Variants in BRPF3 observed in about 807,000 individuals in gnomAD.
BRPF3 encodes the protein bromodomain and PHD finger-containing protein 3.
BRPF3 carries 18 observed loss-of-function variants against 102.0 expected under a neutral mutation model. The ratio of observed to expected loss-of-function variants is 0.18; its 90% CI spans 0.12 to 0.26. The LOEUF is 0.26. BRPF3 is among the 10% of genes least tolerant of loss of function. The probability of loss-of-function intolerance (pLI) is 1.00; values close to 1 mark genes in which losing one functional copy is unlikely to be tolerated. For missense variants in BRPF3, 1,147 were observed against 1,567.8 expected (o/e 0.73, Z 4.53); for synonymous variants, 570 against 614.2 (o/e 0.93, Z 1.06).
chr6:36,230,361 C>T lies in BRPF3; in HGVS notation c.3435-65C>T. 6 of 1,546,110 alleles carry T rather than the reference C, an allele frequency of 3.9e-6. No individual in the cohort carries two copies. Among genetic ancestry groups the T allele is most frequent in the Non-Finnish European group, 5.3e-6 (6 of 1,130,360 alleles). On this transcript the variant is annotated intron_variant, in intron 12 of 12. Transcript: ENST00000357641. The surrounding 1 kb of genome is among the most constrained non-coding windows in gnomAD (Gnocchi z 5.4). ...TTTGCTGGTCCTGGCCAAGTGGGGC[C>T]ACAGGAGCCCGAGCCCCCTGTGAGA...
chr6:36,197,461 C>G (rs1387962547), intron 1 of BRPF3: 1 of 152,268 alleles, frequency 6.6e-6, no homozygotes, highest in Non-Finnish European at 1.5e-5. Context: ...TATTTCCCTC[C>G]TTTCTTCTCC....
chr6:36,210,790 C>G lies in BRPF3; in HGVS notation c.2179+262C>G, dbSNP rs960054626. ...CTGTTTGAAAAGCTTAAAGCCTCAT[C>G]AGAGGTCTTCCTCTCTTGGATCCCC... is the stretch of plus-strand genomic sequence containing the variant. On this transcript the variant is annotated intron_variant, in intron 6 of 12. Coordinates refer to ENST00000357641, the MANE Select transcript of BRPF3 (RefSeq NM_015695.3). This position sits in a 1 kb window ranked among gnomAD's most constrained non-coding sequence, Gnocchi z 4.7. 6.6e-6 allele frequency among the ~76,000 whole-genome samples: 1 copy of G among 152,220 alleles called. No individual in the cohort carries two copies. The highest frequency in any genetic ancestry group is 2.4e-5 in the African/African-American group (1 of 41,446).
rs566788021 is a variant in BRPF3, at chr6:36,214,251, G to A, written c.2854G>A (p.Glu952Lys). ...CCCAGACAGGGTCCTGGAGAATGGC[G>A]AGGACCATGGTGTGGCAGGCTCTCC... ...RSPDRVLENGEDHGVAGSPAS... is the reference protein window; with the variant it reads ...RSPDRVLENGKDHGVAGSPAS... Residue 952 changes from glutamate to lysine, a missense_variant, in exon 8 of 13, where the codon GAG (glutamate) becomes AAG (lysine). Around this residue, in one of 11 missense-constraint regions of BRPF3, gnomAD observed 379 missense variants for 426.3 expected, o/e 0.89. Coordinates refer to ENST00000357641, the MANE Select transcript of BRPF3 (RefSeq NM_015695.3). 1.9e-5 allele frequency: 31 copies of A among 1,614,178 alleles called. No individual in the cohort carries two copies. The highest frequency in any genetic ancestry group is 8.0e-5 in the African/African-American group (6 of 75,048).
intron 1 of BRPF3, among the ~76,000 whole-genome samples, chr6:36,197,775 ACT>A (rs1477834886): frequency 6.6e-6 from 1 of 151,238 alleles, no homozygotes; most frequent in Non-Finnish European, 1.5e-5. Flanking sequence ...TGTGGGCGAA[ACT>A]CTTTTCATTT....
In BRPF3 at chr6:36,201,381, A is replaced by C. The variant is rs778263137; in HGVS notation, c.1059A>C (p.Ala353=). ...ACACAGCATTCCATGTGACATGTGC[A>C]CAGCGGGCTGGGCTCTTCATGAAGA... ...NCYTAFHVTC[A]QRAGLFMKIE... Residue 353 remains alanine, a synonymous_variant, in exon 2 of 13, where the codon GCA becomes GCC. Transcript: ENST00000357641. The surrounding 1 kb of genome is among the most constrained non-coding windows in gnomAD (Gnocchi z 5.1). 1.2e-6 allele frequency: 2 copies of C among 1,614,204 alleles called. No individual in the cohort carries two copies. Among genetic ancestry groups the C allele is most frequent in the Non-Finnish European group, 8.5e-7 (1 of 1,180,032 alleles).
In BRPF3 at chr6:36,210,780, A is replaced by G. The variant is rs1768077974; in HGVS notation, c.2179+252A>G. Among the ~76,000 whole-genome samples the G allele has an allele frequency of 6.6e-6, 1 of 152,232 alleles. No homozygotes were observed. The highest frequency in any genetic ancestry group is 1.5e-5 in the Non-Finnish European group (1 of 68,034). On this transcript the variant is annotated intron_variant, in intron 6 of 12. Transcript: ENST00000357641. This position sits in a 1 kb window ranked among gnomAD's most constrained non-coding sequence, Gnocchi z 4.7. ...TACTAGTGGTCTGTTTGAAAAGCTT[A>G]AAGCCTCATCAGAGGTCTTCCTCTC... is the stretch of plus-strand genomic sequence containing the variant.
At chr6:36,209,308 T>C (rs1380133934) in intron 4 of BRPF3, among the ~76,000 whole-genome samples, 1 of 152,224 alleles carries the variant, frequency 6.6e-6, no homozygotes, top group Non-Finnish European at 1.5e-5. Flanking sequence ...GAGCACTCAC[T>C]GTAGAATCAC....
intron 9 of BRPF3, 110 bp downstream of exon 9, chr6:36,218,120 A>C (rs1186025165): frequency 2.3e-5 from 20 of 859,276 alleles, no homozygotes; most frequent in Non-Finnish European, 3.0e-5. Context: ...CTCTTCCCCC[A>C]CTCCTGCTAT....
In BRPF3 at chr6:36,201,260, T is replaced by A; in HGVS notation, c.938T>A (p.Ile313Asn). 2 of 1,614,120 alleles carry A rather than the reference T, an allele frequency of 1.2e-6. No individual in the cohort carries two copies. Among genetic ancestry groups the A allele is most frequent in the Non-Finnish European group, 1.7e-6 (2 of 1,180,024 alleles). The stretch of plus-strand genomic sequence containing the variant: ...GTGTTCTTGGAACCTATTGAGGGCA[T>A]TGACAATATCCCGCCTGCCCGCTGG... ...NTVFLEPIEG[I>N]DNIPPARWKL... The change falls in exon 2 of 13, where the codon ATT (isoleucine) becomes AAT (asparagine). Residue 313 changes from isoleucine to asparagine, a missense_variant. Ile to Asn is a moderately radical substitution (Grantham distance 149). This residue lies in a region of BRPF3 where 44 missense variants were observed against 101.4 expected (regional missense o/e 0.43). Coordinates refer to ENST00000357641, the MANE Select transcript of BRPF3 (RefSeq NM_015695.3). The surrounding 1 kb of genome is among the most constrained non-coding windows in gnomAD (Gnocchi z 5.1).
chr6:36,206,357 A>G (rs1187792292), intron 3 of BRPF3, among the ~76,000 whole-genome samples: 3 of 152,156 alleles, frequency 2.0e-5, no homozygotes, highest in African/African-American at 7.2e-5. Flanking sequence ...TGGGGCAGGA[A>G]TGTCTGACTG....
intron 9 of BRPF3, among the ~76,000 whole-genome samples, chr6:36,220,250 T>G (rs1768486845): frequency 6.6e-6 from 1 of 152,254 alleles, no homozygotes; most frequent in South Asian, 2.1e-4. Flanking sequence ...GAGCTCATCA[T>G]TCTATAGTAC....
chr6:36,230,558 C>T lies in BRPF3; in HGVS notation c.3567C>T (p.His1189=). Reference sequence around the variant, plus strand: ...TGGCCTATGACCGTGCGATGATCCACCTGAGCAGAGTCCGGGGGCCCCACT... The same window carrying T: ...TGGCCTATGACCGTGCGATGATCCATCTGAGCAGAGTCCGGGGGCCCCACT... ...VQVAYDRAMI[H]LSRVRGPHSF... is the part of the protein sequence containing the mutation. Residue 1189 remains histidine, a synonymous_variant, in exon 13 of 13, where the codon CAC becomes CAT. Transcript: ENST00000357641. The surrounding 1 kb of genome is among the most constrained non-coding windows in gnomAD (Gnocchi z 5.4). 6.2e-7 allele frequency: 1 copy of T among 1,614,216 alleles called. No individual in the cohort carries two copies. Among genetic ancestry groups the T allele is most frequent in the Non-Finnish European group, 8.5e-7 (1 of 1,180,026 alleles).
chr6:36,218,400 G>A (rs944735394), intron 9 of BRPF3, among the ~76,000 whole-genome samples: 1 of 151,832 alleles, frequency 6.6e-6, no homozygotes, highest in South Asian at 2.1e-4. Flanking sequence ...GGGCGTCATA[G>A]CCTCTTTATA....
chr6:36,216,646 C>T (rs1012780907), intron 8 of BRPF3, among the ~76,000 whole-genome samples: 41 of 152,194 alleles, frequency 2.7e-4, no homozygotes, highest in East Asian at 1.2e-3. Flanking sequence ...TTTCTAGTTA[C>T]GGTGTCTGTA....
At chr6:36,197,210 C>T (rs1403097614) in intron 1 of BRPF3, 1 of 152,280 alleles carries the variant, frequency 6.6e-6, no homozygotes, top group Non-Finnish European at 1.5e-5. Flanking sequence ...CCCCCCAGCC[C>T]TGGATTCCGA....
At chr6:36,218,303 T>C (rs1161276859) in intron 9 of BRPF3, among the ~76,000 whole-genome samples, 2 of 152,076 alleles carry the variant, frequency 1.3e-5, no homozygotes, top group East Asian at 3.9e-4. Flanking sequence ...TCAGTGAAAT[T>C]AACATTTGAG....
In BRPF3 at chr6:36,201,219, C is replaced by G. The variant is rs1280026647; in HGVS notation, c.897C>G (p.Val299=). Residue 299 remains valine (V), a synonymous_variant, in exon 2 of 13, where the codon GTC becomes GTG. Transcript: ENST00000357641. This position sits in a 1 kb window ranked among gnomAD's most constrained non-coding sequence, Gnocchi z 5.1. ...TGTGTGCCATCTGGATCCCTGAAGT[C>G]TGCTTTGCTAACACCGTGTTCTTGG... ...HVVCAIWIPE[V]CFANTVFLEP... The G allele has an allele frequency of 6.2e-7, 1 of 1,614,180 alleles. No individual in the cohort carries two copies. The highest frequency in any genetic ancestry group is 8.5e-7 in the Non-Finnish European group (1 of 1,180,036).
intron 11 of BRPF3, among the ~76,000 whole-genome samples, chr6:36,226,368 G>A (rs1768739782): frequency 6.6e-6 from 1 of 152,176 alleles, no homozygotes; most frequent in South Asian, 2.1e-4. Flanking sequence ...TGTTATTTCT[G>A]AACTCTTTCT....
rs202165998 is a variant in BRPF3, at chr6:36,207,392, C to T, written c.1685C>T (p.Ala562Val). 1.3e-5 allele frequency: 21 copies of T among 1,613,920 alleles called. No homozygotes were observed. Among genetic ancestry groups the T allele is most frequent in the African/African-American group, 4.0e-5 (3 of 74,882 alleles). ...WQKLRHDLER[A>V]RLLIELIRKR... ...AAGCTCCGGCATGACTTGGAGCGGG[C>T]GCGGCTGCTGATTGAGCTGATTCGG... Residue 562 changes from alanine to valine, a missense_variant, in exon 4 of 13, where the codon GCG (alanine) becomes GTG (valine). Ala to Val is a moderately conservative substitution (Grantham distance 64). This residue lies in a region of BRPF3 where 23 missense variants were observed against 54.4 expected (regional missense o/e 0.42). Coordinates refer to ENST00000357641, the MANE Select transcript of BRPF3 (RefSeq NM_015695.3).
Sources: gnomAD v4.1 joint callset for allele counts (sites outside exome capture counted in the v4.1 genomes callset) on GRCh38, gnomAD v4.1.1 for gene constraint, gnomAD v4.1.1 regional missense constraint, Gnocchi (gnomAD v3.1) non-coding constraint, MANE v1.5 for transcripts, NCBI Gene and HGNC (gene_info 2026-07-23, HGNC 2026-07-21) for gene names.